The following NR1H4 variants were observed in gnomAD, a reference collection of about 807,000 sequenced individuals.
NR1H4 encodes bile acid receptor.
Under a neutral mutation model 58.5 loss-of-function variants are expected in NR1H4, and 23 were observed. The ratio of observed to expected loss-of-function variants is 0.39; its 90% CI spans 0.28 to 0.56. The LOEUF is 0.56. NR1H4 is among the 20% of genes least tolerant of loss of function. NR1H4 has a pLI of 0.58. For missense variants in NR1H4, 487 were observed against 576.9 expected (o/e 0.84, Z 1.60); for synonymous variants, 214 against 198.0 (o/e 1.08, Z -0.68).
At chr12:100,543,316 G>A (rs1361827827) in intron 9 of NR1H4, among the ~76,000 whole-genome samples, 1 of 152,146 alleles carries the variant, frequency 6.6e-6, no homozygotes, top group Admixed American at 6.6e-5. Flanking sequence ...TAATAGGAGA[G>A]ATGGAAGATT....
At chr12:100,535,046 G>T in intron 6 of NR1H4, 23 bp downstream of exon 6, 1 of 1,613,982 alleles carries the variant, frequency 6.2e-7, no homozygotes, top group Non-Finnish European at 8.5e-7. Flanking sequence ...AATGGTGTCT[G>T]CCAAGACTGG....
At chr12:100,499,032 G>A (rs917813773) in intron 3 of NR1H4, among the ~76,000 whole-genome samples, 22 of 152,154 alleles carry the variant, frequency 1.4e-4, no homozygotes, top group African/African-American at 5.3e-4. Flanking sequence ...CTGGGCCCAA[G>A]CAATCCTCCC....
At chr12:100,477,301 G>A (rs1953291752) in intron 1 of NR1H4, among the ~76,000 whole-genome samples, 1 of 151,978 alleles carries the variant, frequency 6.6e-6, no homozygotes, top group Admixed American at 6.6e-5. Context: ...TTTATTCTTT[G>A]TTAGGATTAA....
chr12:100,532,300 A>G (rs866045634), intron 4 of NR1H4, among the ~76,000 whole-genome samples, 158 bp from the exon 5 acceptor site: 1 of 152,352 alleles, frequency 6.6e-6, no homozygotes, highest in Admixed American at 6.5e-5. Flanking sequence ...CAACAACACA[A>G]TGTCACATAA....
At position 100,563,627 on chromosome 12, in the gene NR1H4, T is replaced by A. The variant is rs564423863; in HGVS notation, c.*138T>A. 183 of 745,518 alleles carry A rather than the reference T, an allele frequency of 2.5e-4. 1 individual carries two copies. In the South Asian group the frequency reaches 2.8e-3, roughly 11 times the overall value. The allele number at this position is 745,518 out of a possible 1,614,324, so 46.2% of individuals were successfully genotyped here. ...TTTATGTTGTAATTACATGTGTAAC[T>A]TCCACAACTGTAAATATTGGGCTAG... On this transcript the variant is annotated 3_prime_UTR_variant, in exon 11 of 11. Coordinates refer to ENST00000392986, the MANE Select transcript of NR1H4 (RefSeq NM_001206979.2).
chr12:100,541,924 AT>A (rs1032935899), intron 9 of NR1H4, among the ~76,000 whole-genome samples: 1 of 152,122 alleles, frequency 6.6e-6, no homozygotes, highest in African/African-American at 2.4e-5. Flanking sequence ...TAAATATATG[AT>A]TTCATCTAAT....
At chr12:100,541,649 A>G (rs1380932446) in intron 9 of NR1H4, among the ~76,000 whole-genome samples, 1 of 148,306 alleles carries the variant, frequency 6.7e-6, no homozygotes, top group African/African-American at 2.5e-5. Flanking sequence ...TGCTTAGGCT[A>G]GAGTGCAGTG....
intron 9 of NR1H4, among the ~76,000 whole-genome samples, chr12:100,553,037 C>T (rs1159986614): frequency 6.6e-6 from 1 of 151,852 alleles, no homozygotes; most frequent in African/African-American, 2.4e-5. Context: ...CTCGCTCTGT[C>T]ACCCAGGCTA....
intron 3 of NR1H4, among the ~76,000 whole-genome samples, chr12:100,501,102 C>T (rs1953823993): frequency 6.6e-6 from 1 of 151,356 alleles, no homozygotes; most frequent in South Asian, 2.1e-4. Flanking sequence ...ACAAGGGTTT[C>T]CTGGGTCAGC....
chr12:100,519,706 A>G lies in NR1H4; in HGVS notation c.445+8563A>G, dbSNP rs138281427. Among the ~76,000 whole-genome samples the G allele has an allele frequency of 2.8e-3, 420 of 152,218 alleles. 4 individuals carry two copies. Among genetic ancestry groups the G allele is most frequent in the African/African-American group, 9.3e-3 (386 of 41,552 alleles). On this transcript the variant is annotated intron_variant, in intron 4 of 10. Coordinates refer to ENST00000392986, the MANE Select transcript of NR1H4 (RefSeq NM_001206979.2). The stretch of plus-strand genomic sequence containing the variant: ...AAGGGCATAAGAATCCTCGTCTTCC[A>G]GGATCCCAAATGACGTGGAGTTTCT...
At chr12:100,493,442 C>A (rs1183258776) in intron 3 of NR1H4, 40 bp downstream of exon 3, 1 of 1,003,350 alleles carries the variant, frequency 1.0e-6, no homozygotes, top group South Asian at 1.4e-5. Flanking sequence ...TAAGAACAAA[C>A]TACGATTTGG....
intron 4 of NR1H4, among the ~76,000 whole-genome samples, chr12:100,527,087 T>C (rs1336575359): frequency 6.6e-6 from 1 of 152,222 alleles, no homozygotes; most frequent in Non-Finnish European, 1.5e-5. Context: ...AAAACAATCA[T>C]TTATGAACTC....
chr12:100,514,492 T>A (rs1028664648), intron 4 of NR1H4, among the ~76,000 whole-genome samples: 1 of 152,178 alleles, frequency 6.6e-6, no homozygotes, highest in African/African-American at 2.4e-5. Context: ...TGTGGGGGGA[T>A]GTCTTGTACA....
intron 4 of NR1H4, among the ~76,000 whole-genome samples, chr12:100,511,931 A>ATT (rs1234074106): frequency 7.0e-6 from 1 of 143,424 alleles, no homozygotes; most frequent in African/African-American, 2.6e-5. Context: ...TCAAAAAATA[A>ATT]TTTTTTTTTT....
intron 9 of NR1H4, among the ~76,000 whole-genome samples, chr12:100,541,067 CT>C (rs925299445): frequency 1.9e-4 from 29 of 152,130 alleles, no homozygotes; most frequent in African/African-American, 6.3e-4. Flanking sequence ...CAAAGGAAGA[CT>C]TTTTTAAAGA....
rs775396936 is a variant in NR1H4, at chr12:100,503,341, T to C, written c.80-7437T>C. On this transcript the variant is annotated intron_variant, in intron 3 of 10. Transcript: ENST00000392986. ...TAAACCACACAACCTCTGTCCTCTC[T>C]CACTCCTTACCTAGTCTCATTTTCA... 3.1e-5 allele frequency: 49 copies of C among 1,575,826 alleles called. 1 individual carries two copies. The Middle Eastern group carries it at 5.0e-4, about 16-fold the overall frequency.
intron 9 of NR1H4, among the ~76,000 whole-genome samples, chr12:100,549,228 C>T (rs918226733): frequency 6.6e-6 from 1 of 152,168 alleles, no homozygotes; most frequent in Non-Finnish European, 1.5e-5. Context: ...GTCCCAGCTA[C>T]TCTGAAGGCT....
At chr12:100,560,453 C>A (rs1955443361) in intron 9 of NR1H4, among the ~76,000 whole-genome samples, 1 of 152,208 alleles carries the variant, frequency 6.6e-6, no homozygotes, top group African/African-American at 2.4e-5. Context: ...AGACCACGAG[C>A]CCACCAGGAG....
chr12:100,526,526 G>C (rs114401166), intron 4 of NR1H4, among the ~76,000 whole-genome samples: 1 of 152,006 alleles, frequency 6.6e-6, no homozygotes, highest in Non-Finnish European at 1.5e-5. Flanking sequence ...CAACTCTCCC[G>C]GCTGATGTGA....
Sources: allele counts gnomAD v4.1 joint callset (sites outside exome capture counted in the v4.1 genomes callset), GRCh38; gene constraint gnomAD v4.1.1; transcripts MANE v1.5; gene names NCBI Gene and HGNC (gene_info 2026-07-23, HGNC 2026-07-21).